Variants in MAML2 observed in about 807,000 individuals in gnomAD.
MAML2 encodes the protein mastermind-like protein 2.
Under a neutral mutation model 96.1 loss-of-function variants are expected in MAML2, and 22 were observed. The ratio of observed to expected loss-of-function variants is 0.23; its 90% CI spans 0.16 to 0.33. MAML2 has a LOEUF of 0.33. MAML2 is among the 10% of genes least tolerant of loss of function. The pLI, the probability that MAML2 is intolerant of heterozygous loss-of-function variation, is 1.00. For missense variants in MAML2, 1,367 were observed against 1,392.4 expected, an observed-to-expected ratio of 0.98 and a Z score of 0.29; for synonymous variants, 561 against 521.3, an observed-to-expected ratio of 1.08 and a Z score of -1.04.
intron 1 of MAML2, among the ~76,000 whole-genome samples, chr11:96,313,358 A>G (rs559666323): frequency 6.6e-6 from 1 of 152,278 alleles, no homozygotes; most frequent in South Asian, 2.1e-4. Context: ...GGTGCAATGT[A>G]AGCAGCTCTC....
intron 1 of MAML2, among the ~76,000 whole-genome samples, chr11:96,124,096 C>CCA (rs1860396740): frequency 1.0e-5 from 1 of 96,382 alleles, no homozygotes; most frequent in Admixed American, 1.3e-4. Flanking sequence ...AACTCTGTCT[C>CCA]AAAAAAAAAA....
intron 1 of MAML2, among the ~76,000 whole-genome samples, chr11:96,306,327 A>G (rs1055614640): frequency 6.6e-6 from 1 of 152,200 alleles, no homozygotes; most frequent in African/African-American, 2.4e-5. Flanking sequence ...CTTGGCTCCA[A>G]GGGAACTTCT....
At chr11:96,254,912 C>A (rs1391884361) in intron 1 of MAML2, among the ~76,000 whole-genome samples, 1 of 152,154 alleles carries the variant, frequency 6.6e-6, no homozygotes, top group Non-Finnish European at 1.5e-5. Flanking sequence ...CTCTCCCAGG[C>A]TCAGGTGATT....
At chr11:96,297,710 C>G (rs1720214620) in intron 1 of MAML2, among the ~76,000 whole-genome samples, 1 of 152,056 alleles carries the variant, frequency 6.6e-6, no homozygotes, top group African/African-American at 2.4e-5. Flanking sequence ...CCCCATATAC[C>G]CATCAACTAG....
chr11:96,106,418 T>C (rs1860021813), intron 1 of MAML2, among the ~76,000 whole-genome samples: 1 of 152,226 alleles, frequency 6.6e-6, no homozygotes, highest in Non-Finnish European at 1.5e-5. Flanking sequence ...AACAAGAATA[T>C]GTTACAGTTC....
intron 2 of MAML2, among the ~76,000 whole-genome samples, chr11:96,054,472 G>A (rs1859032329): frequency 6.6e-6 from 1 of 152,150 alleles, no homozygotes; most frequent in Admixed American, 6.6e-5. Flanking sequence ...TTCTAAGGGA[G>A]GTTGGACAGT....
chr11:96,074,758 G>A (rs1171603843), intron 2 of MAML2, among the ~76,000 whole-genome samples: 2 of 152,226 alleles, frequency 1.3e-5, no homozygotes, highest in African/African-American at 4.8e-5. Context: ...TTAGATTCCT[G>A]TGTCTGTCTG....
intron 2 of MAML2, among the ~76,000 whole-genome samples, chr11:96,088,866 G>A (rs1230920528): frequency 6.6e-6 from 1 of 152,112 alleles, no homozygotes; most frequent in Non-Finnish European, 1.5e-5. Flanking sequence ...GGATCTGTCT[G>A]GGTTCAGAGT....
At chr11:96,330,951 G>A (rs1216395283) in intron 1 of MAML2, among the ~76,000 whole-genome samples, 1 of 152,134 alleles carries the variant, frequency 6.6e-6, no homozygotes, top group Non-Finnish European at 1.5e-5. Flanking sequence ...CGTGTGGGGT[G>A]GAAGGGATCA....
rs1859471518 is a variant in MAML2 at position 96,078,040 on chromosome 11, T to C, written c.2139+13852A>G. On this transcript the variant is annotated intron_variant, in intron 2 of 4. Transcript: ENST00000524717. ...GGTCTGAAGGATTGTTCCTCTCTTC[T>C]ATGAGAGTGCAGCTGAAAATGCTCA... is the stretch of plus-strand genomic sequence containing the variant. Among the ~76,000 whole-genome samples the C allele has an allele frequency of 2.0e-5, 3 of 152,166 alleles. No individual in the cohort carries two copies. In the South Asian group the frequency reaches 6.2e-4, roughly 32 times the overall value.
At chr11:96,215,597 G>T (rs754203256) in intron 1 of MAML2, among the ~76,000 whole-genome samples, 34 of 152,046 alleles carry the variant, frequency 2.2e-4, no homozygotes, top group Non-Finnish European at 4.1e-4. Flanking sequence ...GGTGTAGAAA[G>T]GTAGAGACAG....
chr11:96,106,930 G>A (rs890503436), intron 1 of MAML2, among the ~76,000 whole-genome samples: 13 of 145,336 alleles, frequency 8.9e-5, no homozygotes, highest in Non-Finnish European at 1.6e-4. Flanking sequence ...TGACCACTTC[G>A]CTGCATTTGT....
chr11:95,984,445 C>A (rs931054351), intron 4 of MAML2, among the ~76,000 whole-genome samples: 1 of 152,140 alleles, frequency 6.6e-6, no homozygotes, highest in Non-Finnish European at 1.5e-5. Context: ...ACATACATCC[C>A]ATTCCTAATG....
At chr11:96,144,446 A>G (rs1201453776) in intron 1 of MAML2, among the ~76,000 whole-genome samples, 2 of 152,294 alleles carry the variant, frequency 1.3e-5, no homozygotes, top group South Asian at 2.1e-4. Context: ...AAGTGGTAGA[A>G]GTGGGTTCTG....
chr11:96,171,231 G>A (rs1203925995), intron 1 of MAML2, among the ~76,000 whole-genome samples: 1 of 152,116 alleles, frequency 6.6e-6, no homozygotes, highest in Admixed American at 6.5e-5. Context: ...GAGCTGAGAA[G>A]AATACACACT....
intron 1 of MAML2, among the ~76,000 whole-genome samples, chr11:96,234,973 G>A (rs1255795197): frequency 4.6e-5 from 7 of 152,164 alleles, no homozygotes; most frequent in African/African-American, 1.7e-4. Context: ...GAACAATGGT[G>A]ACACAAAGAC....
chr11:96,189,019 A>G (rs776997189), intron 1 of MAML2, among the ~76,000 whole-genome samples: 3 of 152,148 alleles, frequency 2.0e-5, no homozygotes, highest in Non-Finnish European at 4.4e-5. Context: ...GAATTCAGTC[A>G]CATCTTATTA....
In MAML2 at chr11:95,977,572, T is replaced by C. The variant is rs546162277; in HGVS notation, c.*1376A>G. On this transcript the variant is annotated 3_prime_UTR_variant, in exon 5 of 5. Coordinates refer to ENST00000524717, the MANE Select transcript of MAML2 (RefSeq NM_032427.4). ...CTTTGCTCCTCTGTAATTAGGAAAATGATAGTGATATTTTGCATTCATTCC... is the reference window on the plus strand; with the variant it reads ...CTTTGCTCCTCTGTAATTAGGAAAACGATAGTGATATTTTGCATTCATTCC... 2 of 208,472 alleles carry C rather than the reference T, an allele frequency of 9.6e-6. No individual in the cohort carries two copies. The highest frequency in any genetic ancestry group is 2.0e-5 in the Non-Finnish European group (2 of 102,394). The allele number at this position is 208,472 out of a possible 1,614,324, so 12.9% of individuals were successfully genotyped here.
chr11:96,092,550 C>T lies in MAML2; in HGVS notation c.1481G>A (p.Ser494Asn). 1 of 1,602,420 alleles carries T rather than the reference C, an allele frequency of 6.2e-7. No individual in the cohort carries two copies. Residue 494 changes from serine (S) to asparagine (N), a missense_variant, in exon 2 of 5, where the codon AGC becomes AAC. Coordinates refer to ENST00000524717, the MANE Select transcript of MAML2 (RefSeq NM_032427.4). This position sits in a 1 kb window ranked among gnomAD's most constrained non-coding sequence, Gnocchi z 4.1. ...SFGQQTFSPQ[S>N]SPMPGVAGGS... ...GCCAGCTACCCCAGGCATGGGGGAG[C>T]TCTGTGGGCTGAATGTCTGCTGACC...
Sources: allele counts gnomAD v4.1 joint callset (sites outside exome capture counted in the v4.1 genomes callset), GRCh38; gene constraint gnomAD v4.1.1; non-coding constraint Gnocchi (gnomAD v3.1); transcripts MANE v1.5; gene names NCBI Gene and HGNC (gene_info 2026-07-23, HGNC 2026-07-21).